The following NRXN3 variants were observed in gnomAD, a reference collection of about 807,000 sequenced individuals.
The protein encoded by NRXN3 is neurexin 3, also known as neurexin III.
Under a neutral mutation model 137.6 loss-of-function variants are expected in NRXN3, and 32 were observed. The observed-to-expected ratio is 0.23, with a 90% CI of 0.18 to 0.31. The LOEUF (loss-of-function observed/expected upper bound fraction) is 0.31. Ranked by LOEUF, NRXN3 falls within the 10% of genes least tolerant of loss-of-function variation. The pLI is 1.00. For synonymous variants in NRXN3, 798 were observed against 784.5 expected (o/e 1.02, Z -0.29); for missense variants, 1,574 against 2,062.5 (o/e 0.76, Z 4.59).
chr14:78,338,072 A>C (rs529924063), intron 4 of NRXN3, among the ~76,000 whole-genome samples: 1 of 152,216 alleles, frequency 6.6e-6, no homozygotes, highest in South Asian at 2.1e-4. Flanking sequence ...TGTTATTGCT[A>C]GGAGTGAGCC....
At chr14:79,730,850 C>G (rs531695396) in intron 19 of NRXN3, among the ~76,000 whole-genome samples, 1 of 152,216 alleles carries the variant, frequency 6.6e-6, no homozygotes, top group East Asian at 1.9e-4. Context: ...AGCCTTAACC[C>G]GGTCAGTAAA....
rs982853612 is a variant in NRXN3 at position 79,692,246 on chromosome 14, G to C, written c.3690G>C (p.Glu1230Asp). 6.2e-7 allele frequency: 1 copy of C among 1,607,212 alleles called. No individual in the cohort carries two copies. The highest frequency in any genetic ancestry group is 1.3e-5 in the African/African-American group (1 of 74,536). The change falls in exon 18 of 21, where the codon GAG (glutamate) becomes GAC (aspartate). Residue 1230 changes from glutamate (E) to aspartate (D), a missense_variant. Glu to Asp is a conservative substitution (Grantham distance 45). Around this residue, in one of 5 missense-constraint regions of NRXN3, gnomAD observed 133 missense variants for 241.8 expected, o/e 0.55. Transcript: ENST00000335750. The stretch of plus-strand genomic sequence containing the variant: ...TCAAATATAATCGGCCTGTAGAGGA[G>C]TGGCTGCAGGAAAAAGGTAACCGTC... ...IPFKYNRPVE[E>D]WLQEKGRQLT...
At chr14:78,639,345 C>T (rs1468706032) in intron 4 of NRXN3, among the ~76,000 whole-genome samples, 1 of 152,218 alleles carries the variant, frequency 6.6e-6, no homozygotes, top group Non-Finnish European at 1.5e-5. Flanking sequence ...CTCTGAGGCT[C>T]ATCATCAGGA....
chr14:79,809,982 A>G (rs776892776), intron 20 of NRXN3, among the ~76,000 whole-genome samples: 1 of 152,252 alleles, frequency 6.6e-6, no homozygotes, highest in Non-Finnish European at 1.5e-5. Context: ...TCTGAAATTC[A>G]GAGAAAATAA....
rs114921941 is a variant in NRXN3, at chr14:79,706,195, T to G, written c.4014+8258T>G. 7.8e-3 allele frequency among the ~76,000 whole-genome samples: 1,185 copies of G among 152,306 alleles called. 12 individuals carry two copies. The highest frequency in any genetic ancestry group is 0.025 in the African/African-American group (1,038 of 41,580). On this transcript the variant is annotated intron_variant, in intron 19 of 20. Coordinates refer to ENST00000335750, the MANE Select transcript of NRXN3 (RefSeq NM_001330195.2). ...TGTCTCTGGTATGTAAGATTATTTT[T>G]GTTAGCTTCCAGTCTTGTTGCTCAG...
At chr14:79,760,585 A>G (rs2099035157) in intron 19 of NRXN3, 2 of 151,714 alleles carry the variant, frequency 1.3e-5, no homozygotes, top group Middle Eastern at 3.4e-3. Flanking sequence ...AATTTTTCAC[A>G]AACAGCAAGG....
At chr14:78,875,826 G>A (rs1313590889) in intron 10 of NRXN3, among the ~76,000 whole-genome samples, 1 of 152,178 alleles carries the variant, frequency 6.6e-6, no homozygotes, top group South Asian at 2.1e-4. Flanking sequence ...GAAAGAATGA[G>A]TGAATGAGCA....
intron 4 of NRXN3, among the ~76,000 whole-genome samples, chr14:78,495,551 G>T (rs1036910267): frequency 1.1e-4 from 17 of 152,156 alleles, no homozygotes; most frequent in African/African-American, 3.9e-4. Flanking sequence ...CCACTAAGTT[G>T]CAGCAAAAAC....
At chr14:79,496,256 GACAC>G (rs72461338) in intron 16 of NRXN3, among the ~76,000 whole-genome samples, 8 of 140,332 alleles carry the variant, frequency 5.7e-5, no homozygotes, top group Non-Finnish European at 9.5e-5. Flanking sequence ...CACACACACA[GACAC>G]ACACACACAC....
chr14:78,276,789 C>T (rs1216268976), intron 2 of NRXN3, among the ~76,000 whole-genome samples: 2 of 152,192 alleles, frequency 1.3e-5, no homozygotes, highest in African/African-American at 2.4e-5. Context: ...CCCAAGGAGC[C>T]TATTTGTATG....
At chr14:78,369,339 C>T (rs2086462510) in intron 4 of NRXN3, among the ~76,000 whole-genome samples, 1 of 151,460 alleles carries the variant, frequency 6.6e-6, no homozygotes, top group Non-Finnish European at 1.5e-5. Flanking sequence ...TTCAGAATTC[C>T]AGGTATCCTA....
chr14:78,673,997 G>A (rs1177497534), intron 6 of NRXN3, among the ~76,000 whole-genome samples: 1 of 152,156 alleles, frequency 6.6e-6, no homozygotes, highest in Non-Finnish European at 1.5e-5. Context: ...TGCCTATAGT[G>A]GGCCCATGTG....
intron 15 of NRXN3, among the ~76,000 whole-genome samples, chr14:79,172,668 C>G (rs916995199): frequency 6.6e-6 from 1 of 152,104 alleles, no homozygotes; most frequent in Admixed American, 6.5e-5. Context: ...CAAAGTAATT[C>G]CCCACTACAT....
intron 15 of NRXN3, among the ~76,000 whole-genome samples, chr14:79,292,445 G>A (rs780946304): frequency 6.6e-5 from 10 of 152,074 alleles, no homozygotes; most frequent in Non-Finnish European, 1.2e-4. Flanking sequence ...ATGATTTTAG[G>A]CAAGCAACCA....
intron 16 of NRXN3, among the ~76,000 whole-genome samples, chr14:79,651,886 T>C (rs965893572): frequency 1.3e-5 from 2 of 152,206 alleles, no homozygotes; most frequent in Non-Finnish European, 1.5e-5. Context: ...TAATGTTGAC[T>C]CTAGATCTTT....
At chr14:79,562,722 A>T in intron 16 of NRXN3, among the ~76,000 whole-genome samples, 1 of 152,164 alleles carries the variant, frequency 6.6e-6, no homozygotes, top group Non-Finnish European at 1.5e-5. Flanking sequence ...AAATTTAGAA[A>T]AGCTGTAGTT....
chr14:79,051,008 C>T lies in NRXN3; in HGVS notation c.3262+62867C>T, dbSNP rs547212634. 3.2e-4 allele frequency among the ~76,000 whole-genome samples: 49 copies of T among 152,296 alleles called. No homozygotes were observed. In the South Asian group the frequency reaches 0.01, roughly 32 times the overall value. ...TTACATAACATTAACTTAATCTTCA[C>T]AATATCCTATGAGGGGATACTATTG... On this transcript the variant is annotated intron_variant, in intron 15 of 20. Coordinates refer to ENST00000335750, the MANE Select transcript of NRXN3 (RefSeq NM_001330195.2).
At position 79,647,230 on chromosome 14, in the gene NRXN3, G is replaced by A. The variant is rs1473184507; in HGVS notation, c.3445-16548G>A. On this transcript the variant is annotated intron_variant, in intron 16 of 20. Transcript: ENST00000335750. Reference sequence around the variant, plus strand: ...TTTTATTTGACAGTCTGTTATAAACGAAAATAATTTTTTTCACTATCAGTT... The same window carrying A: ...TTTTATTTGACAGTCTGTTATAAACAAAAATAATTTTTTTCACTATCAGTT... 1.5e-5 allele frequency among the ~76,000 whole-genome samples: 2 copies of A among 135,542 alleles called. 1 individual carries two copies. The highest frequency in any genetic ancestry group is 3.4e-5 in the Non-Finnish European group (2 of 58,250). The allele number at this position is 135,542 out of a possible 152,430, so 88.9% of individuals were successfully genotyped here. A position where few individuals can be genotyped will look rare whatever the true frequency, so the allele number is the denominator to read the frequency against.
intron 10 of NRXN3, among the ~76,000 whole-genome samples, chr14:78,825,524 A>G (rs1023054198): frequency 8.5e-5 from 13 of 152,198 alleles, no homozygotes; most frequent in African/African-American, 2.7e-4. Flanking sequence ...GCTCCCAACC[A>G]TATGTTTTCC....
Sources: gnomAD v4.1 joint callset for allele counts (sites outside exome capture counted in the v4.1 genomes callset) on GRCh38, gnomAD v4.1.1 for gene constraint, gnomAD v4.1.1 regional missense constraint, MANE v1.5 for transcripts, NCBI Gene and HGNC (gene_info 2026-07-23, HGNC 2026-07-21) for gene names.